ANK3: variants seen among roughly 807,000 people sequenced by gnomAD.
The protein encoded by ANK3 is ankyrin-3.
In ANK3, 57 loss-of-function variants were observed where a neutral mutation model predicts 370.9. That is an observed-to-expected ratio of 0.15 (90% CI 0.12 to 0.19). ANK3 has a LOEUF of 0.19. Among genes scored for constraint, ANK3 ranks in the 10% least tolerant of loss-of-function variants. The probability of loss-of-function intolerance (pLI) is 1.00; values close to 1 mark genes in which losing one functional copy is unlikely to be tolerated. For missense variants in ANK3, 4,439 were observed against 5,302.1 expected (o/e 0.84, Z 5.06); for synonymous variants, 1,929 against 1,946.3 (o/e 0.99, Z 0.23).
chr10:60,317,712 T>G (rs1417617046), intron 1 of ANK3, among the ~76,000 whole-genome samples: 4 of 13,432 alleles, frequency 3.0e-4, no homozygotes, highest in Non-Finnish European at 7.4e-4. Context: ...ATGAGATAAT[T>G]TTTTTTTTTT....
intron 1 of ANK3, among the ~76,000 whole-genome samples, chr10:60,318,003 T>C (rs962305859): frequency 6.1e-5 from 9 of 147,822 alleles, no homozygotes; most frequent in African/African-American, 2.0e-4. Flanking sequence ...ATTCATAAGA[T>C]TATAAAAAAA....
intron 2 of ANK3, among the ~76,000 whole-genome samples, chr10:60,520,401 C>T (rs138015737): frequency 2.6e-3 from 402 of 152,174 alleles, no homozygotes; most frequent in African/African-American, 8.5e-3. Flanking sequence ...CGAACCTGCA[C>T]ATACACTACC....
intron 9 of ANK3, 64 bp downstream of exon 9, chr10:60,213,348 G>A: frequency 8.9e-7 from 1 of 1,128,486 alleles, no homozygotes; most frequent in Admixed American, 1.8e-5. Context: ...TGATTCAAAA[G>A]GCTAGATCAT....
intron 43 of ANK3, among the ~76,000 whole-genome samples, chr10:60,031,640 C>T (rs2131831682): frequency 6.6e-6 from 1 of 152,288 alleles, no homozygotes; most frequent in East Asian, 1.9e-4. Flanking sequence ...AGATCTAGGA[C>T]AACCTTTAGA....
At chr10:60,191,801 A>C (rs2096487514) in intron 16 of ANK3, among the ~76,000 whole-genome samples, 1 of 152,240 alleles carries the variant, frequency 6.6e-6, no homozygotes, top group Non-Finnish European at 1.5e-5. Flanking sequence ...TCGTATGTTC[A>C]TTGCAGCACC....
At chr10:60,633,096 A>C (rs765324950) in intron 1 of ANK3, among the ~76,000 whole-genome samples, 2 of 152,192 alleles carry the variant, frequency 1.3e-5, no homozygotes, top group Non-Finnish European at 2.9e-5. Context: ...TTAAAATTTT[A>C]TTATTATTCA....
intron 2 of ANK3, among the ~76,000 whole-genome samples, chr10:60,478,162 C>T (rs1180031684): frequency 6.6e-6 from 1 of 151,978 alleles, no homozygotes; most frequent in African/African-American, 2.4e-5. Flanking sequence ...CTCCAGAGTC[C>T]AACCATGAAG....
At chr10:60,307,498 ATT>A (rs199758262) in intron 1 of ANK3, among the ~76,000 whole-genome samples, 1 of 143,402 alleles carries the variant, frequency 7.0e-6, no homozygotes, top group Non-Finnish European at 1.5e-5. Context: ...ATGCCTGGCT[ATT>A]TTTTTTTTTT....
intron 2 of ANK3, 57 bp downstream of exon 2, chr10:60,279,481 T>C (rs2098132958): frequency 7.3e-7 from 1 of 1,372,892 alleles, no homozygotes; most frequent in African/African-American, 1.5e-5. Context: ...TTTAAGGAGC[T>C]TGAAGTCTGG....
chr10:60,475,954 T>C lies in ANK3; in HGVS notation c.96+139232A>G, dbSNP rs140037263. ...AGGGTTTATAATCCCAAAAAGATCA[T>C]CTCTAACCAATGTACAAAAAAGAAA... On this transcript the variant is annotated intron_variant, in intron 2 of 43. Transcript: ENST00000373827. 2.0e-5 allele frequency among the ~76,000 whole-genome samples: 3 copies of C among 152,304 alleles called. No homozygotes were observed. The East Asian group carries it at 5.8e-4, about 29-fold the overall frequency.
intron 2 of ANK3, among the ~76,000 whole-genome samples, chr10:60,499,249 C>G (rs762129573): frequency 3.0e-4 from 45 of 152,234 alleles, no homozygotes; most frequent in Non-Finnish European, 5.9e-4. Context: ...CACTTCACTT[C>G]TAAAAAGTAA....
intron 2 of ANK3, among the ~76,000 whole-genome samples, chr10:60,583,928 T>G (rs1388181514): frequency 6.6e-6 from 1 of 152,162 alleles, no homozygotes; most frequent in Non-Finnish European, 1.5e-5. Flanking sequence ...AAGTGATGTT[T>G]ATGGTGATGA....
At chr10:60,520,401 C>A (rs138015737) in intron 2 of ANK3, among the ~76,000 whole-genome samples, 17 of 152,174 alleles carry the variant, frequency 1.1e-4, no homozygotes, top group Middle Eastern at 3.4e-3. Flanking sequence ...CGAACCTGCA[C>A]ATACACTACC....
chr10:60,486,486 A>G (rs1373496498), intron 2 of ANK3, among the ~76,000 whole-genome samples: 3 of 152,180 alleles, frequency 2.0e-5, no homozygotes, highest in East Asian at 1.9e-4. Context: ...ATGCTGAGGC[A>G]GGAGAATCAC....
chr10:60,262,911 A>G (rs2097827974), intron 6 of ANK3, among the ~76,000 whole-genome samples: 1 of 152,132 alleles, frequency 6.6e-6, no homozygotes, highest in Non-Finnish European at 1.5e-5. Context: ...TCTTTCAAAC[A>G]CCAGGTTCAG....
At chr10:60,093,073 G>T (rs1352744886) in intron 28 of ANK3, among the ~76,000 whole-genome samples, 1 of 152,194 alleles carries the variant, frequency 6.6e-6, no homozygotes, top group Admixed American at 6.5e-5. Flanking sequence ...CAGAAAAATA[G>T]GAAAGAATCA....
chr10:60,218,678 T>C (rs1472450234), intron 8 of ANK3, among the ~76,000 whole-genome samples: 3 of 152,136 alleles, frequency 2.0e-5, no homozygotes, highest in African/African-American at 7.2e-5. Flanking sequence ...CTTCCCTTTG[T>C]AGGTTACCTG....
intron 41 of ANK3, among the ~76,000 whole-genome samples, chr10:60,057,866 G>C (rs550403231): frequency 6.6e-6 from 1 of 152,214 alleles, no homozygotes; most frequent in South Asian, 2.1e-4. Flanking sequence ...CTTTGCAACT[G>C]TCTCTTTTGT....
chr10:60,732,416 G>A (rs1214030996), intron 1 of ANK3, among the ~76,000 whole-genome samples: 1 of 152,218 alleles, frequency 6.6e-6, no homozygotes, highest in Non-Finnish European at 1.5e-5. Context: ...GGGCGTAAAG[G>A]TGGCAATCTG....
Sources: gnomAD v4.1 joint callset for allele counts (sites outside exome capture counted in the v4.1 genomes callset) on GRCh38, gnomAD v4.1.1 for gene constraint, MANE v1.5 for transcripts, NCBI Gene and HGNC (gene_info 2026-07-23, HGNC 2026-07-21) for gene names.